Variants in DYM observed in about 807,000 individuals in gnomAD.
DYM encodes the protein dyggve-Melchior-Clausen syndrome protein.
In DYM, 78 loss-of-function variants were observed where a neutral mutation model predicts 93.1. That is an observed-to-expected ratio of 0.84 (90% CI 0.70 to 1.01). The LOEUF is 1.01. Ranked by LOEUF, DYM falls within the 50% of genes least tolerant of loss-of-function variation. The pLI, the probability that DYM is intolerant of heterozygous loss-of-function variation, is 0.00. For missense variants in DYM, 789 were observed against 845.0 expected (o/e 0.93, Z 0.82); for synonymous variants, 321 against 319.7 (o/e 1.00, Z -0.04).
At chr18:49,253,768 T>G (rs1423506307) in intron 13 of DYM, among the ~76,000 whole-genome samples, 4 of 152,204 alleles carry the variant, frequency 2.6e-5, no homozygotes, top group Non-Finnish European at 5.9e-5. Context: ...AACAGGTGAC[T>G]CAAGAAATTT....
intron 8 of DYM, among the ~76,000 whole-genome samples, chr18:49,317,577 CTCTCTCTCTCTCTCTCTCTCCCCCCT>C (rs2062038002): frequency 8.5e-5 from 1 of 11,728 alleles, no homozygotes; most frequent in African/African-American, 6.7e-4. Context: ...CTCTCTCTCT[CTCTCTCTCTCTCTCTCTCTCCCCCCT>C]CCCCCCTCCC....
chr18:49,346,979 C>A (rs1291785641), intron 6 of DYM, among the ~76,000 whole-genome samples: 1 of 152,136 alleles, frequency 6.6e-6, no homozygotes, highest in Non-Finnish European at 1.5e-5. Flanking sequence ...AATAAGCCTA[C>A]AGTTGGGCAA....
At chr18:49,336,178 C>A (rs1599514022) in intron 6 of DYM, among the ~76,000 whole-genome samples, 1 of 152,178 alleles carries the variant, frequency 6.6e-6, no homozygotes, top group East Asian at 1.9e-4. Context: ...AATTTAACAT[C>A]TTACTGTATG....
intron 16 of DYM, chr18:49,114,507 C>T: frequency 1.0e-6 from 1 of 963,930 alleles, no homozygotes; most frequent in Non-Finnish European, 1.2e-6. Flanking sequence ...TGTGTACTTA[C>T]AGTGAGGTCC....
At chr18:49,113,020 T>TA (rs1409845932) in intron 16 of DYM, among the ~76,000 whole-genome samples, 1 of 152,012 alleles carries the variant, frequency 6.6e-6, no homozygotes, top group Non-Finnish European at 1.5e-5. Context: ...AGCAACTGGG[T>TA]AGATATTGAT....
At chr18:49,194,950 T>C (rs2091308835) in intron 14 of DYM, among the ~76,000 whole-genome samples, 1 of 152,142 alleles carries the variant, frequency 6.6e-6, no homozygotes, top group Admixed American at 6.5e-5. Flanking sequence ...AGGAAAACTT[T>C]TTGGGGGAGT....
intron 11 of DYM, among the ~76,000 whole-genome samples, chr18:49,267,560 T>C (rs2094591087): frequency 6.6e-6 from 1 of 152,178 alleles, no homozygotes; most frequent in Non-Finnish European, 1.5e-5. Flanking sequence ...AGATGAGCGA[T>C]ATAATTCTGT....
At chr18:49,185,079 T>C (rs924356239) in intron 14 of DYM, among the ~76,000 whole-genome samples, 5 of 151,890 alleles carry the variant, frequency 3.3e-5, no homozygotes, top group African/African-American at 1.2e-4. Context: ...TGAGAAAGAG[T>C]ATTTCAATAA....
At chr18:49,414,246 G>C (rs932051060) in intron 2 of DYM, among the ~76,000 whole-genome samples, 1 of 152,014 alleles carries the variant, frequency 6.6e-6, no homozygotes, top group African/African-American at 2.4e-5. Context: ...GGGATGGTGG[G>C]GATGGTTGCA....
chr18:49,085,764 C>A (rs554553651), intron 17 of DYM, among the ~76,000 whole-genome samples: 1 of 151,914 alleles, frequency 6.6e-6, no homozygotes, highest in African/African-American at 2.4e-5. Context: ...CCTGCCACCG[C>A]GCCTGGCTAA....
chr18:49,278,878 G>A (rs2094907939), intron 10 of DYM, among the ~76,000 whole-genome samples: 1 of 152,020 alleles, frequency 6.6e-6, no homozygotes, highest in Non-Finnish European at 1.5e-5. Context: ...TCTTATGCTA[G>A]GCATAAGCAA....
intron 5 of DYM, among the ~76,000 whole-genome samples, chr18:49,369,790 T>C (rs1053414481): frequency 1.3e-5 from 2 of 152,228 alleles, no homozygotes; most frequent in Non-Finnish European, 2.9e-5. Context: ...GAAGTGCCAT[T>C]AAAGCCAGGC....
Position 49,418,060 on chromosome 18 carries a change from G to GGAAA in DYM, c.140+12194_140+12195insTTTC, listed in dbSNP as rs1555736187. On this transcript the variant is annotated intron_variant, in intron 2 of 17. Transcript: ENST00000675505. Reference sequence around the variant, plus strand: ...GGGCAACAAGAGTGAAACTCTGTCTGAAAAAAAAAAAAAAAAAAAGATTAT... The same window carrying GGAAA: ...GGGCAACAAGAGTGAAACTCTGTCTGGAAAAAAAAAAAAAAAAAAAAAAGATTAT... 13 of 107,710 alleles carry GGAAA rather than the reference G, an allele frequency of 1.2e-4. 1 individual carries two copies. The highest frequency in any genetic ancestry group is 2.3e-4 in the Non-Finnish European group (13 of 55,324). 6.7% of individuals were successfully genotyped at this position (107,710 alleles called of 1,614,324 possible). A position where few individuals can be genotyped will look rare whatever the true frequency, so the allele number is the denominator to read the frequency against.
chr18:49,193,447 T>G (rs1468891827), intron 14 of DYM, among the ~76,000 whole-genome samples: 1 of 152,232 alleles, frequency 6.6e-6, no homozygotes, highest in Non-Finnish European at 1.5e-5. Context: ...ACAAGTGCCC[T>G]CCTGGAACAC....
At chr18:49,333,954 A>C in intron 6 of DYM, 101 bp from the exon 7 acceptor site, 2 of 1,286,894 alleles carry the variant, frequency 1.6e-6, no homozygotes, top group South Asian at 2.6e-5. Context: ...CTAAATATTC[A>C]GTATTTTCAG....
rs1055760222 is a variant in DYM, at chr18:49,038,847, G to A, written c.*5208C>T. ...GAGTTATCAAAGACTAATATTAAATGAATTTTTACTCTCTTCTTGGATGAT... is the reference window on the plus strand; with the variant it reads ...GAGTTATCAAAGACTAATATTAAATAAATTTTTACTCTCTTCTTGGATGAT... On this transcript the variant is annotated 3_prime_UTR_variant, in exon 18 of 18. Coordinates refer to ENST00000675505, the MANE Select transcript of DYM (RefSeq NM_001353214.3). Among the ~76,000 whole-genome samples the A allele has an allele frequency of 6.6e-6, 1 of 152,094 alleles. No homozygotes were observed. Among genetic ancestry groups the A allele is most frequent in the Non-Finnish European group, 1.5e-5 (1 of 68,024 alleles).
At chr18:49,106,918 C>T (rs1012355818) in intron 16 of DYM, among the ~76,000 whole-genome samples, 3 of 152,084 alleles carry the variant, frequency 2.0e-5, no homozygotes, top group East Asian at 1.9e-4. Context: ...ATCTTTGTGG[C>T]GTTCTCTGTA....
At chr18:49,154,519 C>T (rs143105236) in intron 15 of DYM, among the ~76,000 whole-genome samples, 74 of 152,032 alleles carry the variant, frequency 4.9e-4, no homozygotes, top group Non-Finnish European at 9.3e-4. Flanking sequence ...CTCAGTCTCC[C>T]GAATATCTGG....
chr18:49,100,304 C>T (rs1418172752), intron 16 of DYM, among the ~76,000 whole-genome samples: 1 of 152,028 alleles, frequency 6.6e-6, no homozygotes, highest in East Asian at 1.9e-4. Context: ...TAACAAAAGG[C>T]ACATAATCAG....
Sources: allele counts gnomAD v4.1 joint callset (sites outside exome capture counted in the v4.1 genomes callset), GRCh38; gene constraint gnomAD v4.1.1; transcripts MANE v1.5; gene names NCBI Gene and HGNC (gene_info 2026-07-23, HGNC 2026-07-21).